WDR20: variants seen among roughly 807,000 people sequenced by gnomAD.
WDR20 encodes the protein WD repeat domain 20.
WDR20 carries 3 observed loss-of-function variants against 38.7 expected under a neutral mutation model. The observed-to-expected ratio is 0.08, with a 90% CI of 0.04 to 0.20. The LOEUF is 0.20. Among genes scored for constraint, WDR20 ranks in the 10% least tolerant of loss-of-function variants. The pLI is 1.00. For synonymous variants in WDR20, 298 were observed against 285.6 expected, an observed-to-expected ratio of 1.04 and a Z score of -0.44; for missense variants, 559 against 727.7, an observed-to-expected ratio of 0.77 and a Z score of 2.67.
At position 102,139,900 on chromosome 14, in the gene WDR20, G is replaced by T; in HGVS notation, c.-24G>T. 6.2e-7 allele frequency: 1 copy of T among 1,609,154 alleles called. No individual in the cohort carries two copies. The highest frequency in any genetic ancestry group is 8.5e-7 in the Non-Finnish European group (1 of 1,175,974). ...GGTGGGCGTGATCCGGGCACTTAGGGCAGGATGAACGCTGCTTTCCAAGAT... is the reference window on the plus strand; with the variant it reads ...GGTGGGCGTGATCCGGGCACTTAGGTCAGGATGAACGCTGCTTTCCAAGAT... On this transcript the variant is annotated 5_prime_UTR_variant, in exon 1 of 3. Coordinates refer to ENST00000342702, the MANE Select transcript of WDR20 (RefSeq NM_144574.4).
At position 102,186,548 on chromosome 14, in the gene WDR20, C is replaced by A. The variant is rs968090146; in HGVS notation, c.250-8390C>A. ...TCAGTGCCTCCCCCCACAACACCCC[C>A]CTCCGGTTTCACCAGGGTGACAAGC... is the stretch of plus-strand genomic sequence containing the variant. On this transcript the variant is annotated intron_variant, in intron 1 of 2. Coordinates refer to ENST00000342702, the MANE Select transcript of WDR20 (RefSeq NM_144574.4). Among the ~76,000 whole-genome samples, 4 of 152,182 alleles carry A rather than the reference C, an allele frequency of 2.6e-5. 1 individual carries two copies. In the South Asian group the frequency reaches 6.2e-4, roughly 24 times the overall value.
At chr14:102,139,663 C>T, upstream of WDR20, 1 of 649,646 alleles carries the variant, frequency 1.5e-6, no homozygotes, top group Non-Finnish European at 2.6e-6. Context: ...TGGGAAGCAG[C>T]CATGCCGCCC....
chr14:102,140,322 G>T lies in WDR20; in HGVS notation c.249+150G>T. ...AACTCCACTGGGGTACTCCTGAGGA[G>T]AGGGGATTCAGGAGTAAGGAGGGTG... On this transcript the variant is annotated intron_variant, in intron 1 of 2. Transcript: ENST00000342702. 4 of 1,302,706 alleles carry T rather than the reference G, an allele frequency of 3.1e-6. 1 individual carries two copies. The highest frequency in any genetic ancestry group is 4.1e-6 in the Non-Finnish European group (4 of 964,596). 80.7% of individuals were successfully genotyped at this position (1,302,706 alleles called of 1,614,324 possible).
downstream of WDR20, among the ~76,000 whole-genome samples, chr14:102,218,869 A>G (rs1185364579): frequency 6.6e-6 from 1 of 152,246 alleles, no homozygotes; most frequent in Admixed American, 6.5e-5. Context: ...TGCACAGCCC[A>G]GCAGCTCCCG....
chr14:102,200,468 TGTGTGTGTG>T (rs1182444020), intron 2 of WDR20, among the ~76,000 whole-genome samples: 4 of 43,078 alleles, frequency 9.3e-5, no homozygotes, highest in South Asian at 7.9e-4. Flanking sequence ...TTTTTTTTTT[TGTGTGTGTG>T]TGTGTGTGTG....
At chr14:102,162,195 C>T (rs1304103470) in intron 1 of WDR20, among the ~76,000 whole-genome samples, 2 of 152,168 alleles carry the variant, frequency 1.3e-5, no homozygotes, top group Non-Finnish European at 2.9e-5. Flanking sequence ...GTTCTTTTCT[C>T]GAGACAAGCT....
intron 1 of WDR20, among the ~76,000 whole-genome samples, chr14:102,165,789 A>T (rs1490453564): frequency 6.6e-6 from 1 of 150,968 alleles, no homozygotes; most frequent in Non-Finnish European, 1.5e-5. Context: ...GGCACGTGCC[A>T]CCATGCCTAG....
rs767184163 is a variant in WDR20, at chr14:102,222,870, G to A, written c.1733G>A (p.Gly578Glu). The A allele has an allele frequency of 3.1e-6, 5 of 1,614,104 alleles. No homozygotes were observed. The South Asian group carries it at 4.4e-5, about 14-fold the overall frequency. ...CCAAGCCAGGCCAGTTCTCCAGGTG[G>A]AACTGTAGTGTAGCGACCTCACTGC... Residue 578 changes from glycine to glutamate, a missense_variant, in exon 4 of 4, where the codon GGA (glycine) becomes GAA (glutamate). Gly to Glu is a moderately conservative substitution (Grantham distance 98, BLOSUM62 -2). Transcript: ENST00000335263. The surrounding 1 kb of genome is among the most constrained non-coding windows in gnomAD (Gnocchi z 4.4).
intron 2 of WDR20, among the ~76,000 whole-genome samples, chr14:102,204,245 T>G (rs1030238494): frequency 1.3e-5 from 2 of 152,194 alleles, no homozygotes; most frequent in African/African-American, 4.8e-5. Flanking sequence ...AGTTGTTCTC[T>G]GTGGGGGTAC....
At position 102,176,324 on chromosome 14, in the gene WDR20, G is replaced by A. The variant is rs186135807; in HGVS notation, c.250-18614G>A. Among the ~76,000 whole-genome samples the A allele has an allele frequency of 4.6e-3, 696 of 152,176 alleles. 6 individuals are homozygous for A. The highest frequency in any genetic ancestry group is 0.016 in the African/African-American group (645 of 41,514). The stretch of plus-strand genomic sequence containing the variant: ...GCAGGAGAATCGCTTGAACCCAGGA[G>A]GCAGAGGTTGCAGTGAGCCAAGATC... On this transcript the variant is annotated intron_variant, in intron 1 of 2. Transcript: ENST00000342702.
intron 1 of WDR20, among the ~76,000 whole-genome samples, chr14:102,149,002 A>T (rs1225507224): frequency 6.6e-6 from 1 of 152,116 alleles, no homozygotes; most frequent in Non-Finnish European, 1.5e-5. Context: ...TCTACTAAAA[A>T]TACAAAAAAA....
chr14:102,166,401 G>C (rs1263782580), intron 1 of WDR20, among the ~76,000 whole-genome samples: 1 of 152,088 alleles, frequency 6.6e-6, no homozygotes, highest in East Asian at 1.9e-4. Flanking sequence ...TTTTTAAAAG[G>C]ATGTATATTC....
At chr14:102,190,144 C>G (rs2152925129) in intron 1 of WDR20, among the ~76,000 whole-genome samples, 1 of 151,822 alleles carries the variant, frequency 6.6e-6, no homozygotes, top group Admixed American at 6.5e-5. Flanking sequence ...CCTCATGACC[C>G]TGAACTTCCT....
intron 2 of WDR20, among the ~76,000 whole-genome samples, chr14:102,206,766 G>A (rs1276471757): frequency 1.3e-5 from 2 of 152,178 alleles, no homozygotes; most frequent in Non-Finnish European, 2.9e-5. Context: ...GGGATCAAGA[G>A]TGCTGGGGTA....
intron 1 of WDR20, among the ~76,000 whole-genome samples, chr14:102,143,126 G>T (rs1391090446): frequency 6.6e-6 from 1 of 152,042 alleles, no homozygotes; most frequent in Non-Finnish European, 1.5e-5. Context: ...GCCAGAGAGG[G>T]GATGCAAACC....
chr14:102,209,826 G>C lies in WDR20; in HGVS notation c.1656G>C (p.Glu552Asp). 6.2e-7 allele frequency: 1 copy of C among 1,613,692 alleles called. No individual in the cohort carries two copies. The highest frequency in any genetic ancestry group is 8.5e-7 in the Non-Finnish European group (1 of 1,179,870). The change falls in exon 3 of 3, where the codon GAG becomes GAC. Residue 552 changes from glutamate to aspartate, a missense_variant. Glu to Asp is a conservative substitution (Grantham distance 45, BLOSUM62 2). Transcript: ENST00000342702. This position sits in a 1 kb window ranked among gnomAD's most constrained non-coding sequence, Gnocchi z 6.0. Reference sequence around the variant, plus strand: ...ACTGTATAGTCACTGCTTGTCAGGAGGGATTTATTTGCACATGGGGAAGGC... The same window carrying C: ...ACTGTATAGTCACTGCTTGTCAGGACGGATTTATTTGCACATGGGGAAGGC... ...LEDCIVTACQ[E>D]GFICTWGRPG...
rs2061753402 is a variant in WDR20, at chr14:102,207,448, TC to T, written c.433-1154del. 6.6e-6 allele frequency among the ~76,000 whole-genome samples: 1 copy of T among 152,268 alleles called. No individual in the cohort carries two copies. The highest frequency in any genetic ancestry group is 2.4e-5 in the African/African-American group (1 of 41,476). On this transcript the variant is annotated intron_variant, in intron 2 of 2. Transcript: ENST00000342702. This position sits in a 1 kb window ranked among gnomAD's most constrained non-coding sequence, Gnocchi z 5.0. ...GAAGTCGGCATGTTTCTTGGCAGAT[TC>T]TGCCCCTGTGTGCCCAGTACCCCTC...
At chr14:102,177,192 T>C (rs975543137) in intron 1 of WDR20, among the ~76,000 whole-genome samples, 5 of 152,256 alleles carry the variant, frequency 3.3e-5, no homozygotes, top group African/African-American at 9.6e-5. Flanking sequence ...CATTCAGATA[T>C]TGAACTAGCT....
intron 1 of WDR20, among the ~76,000 whole-genome samples, chr14:102,165,810 AT>A (rs886498054): frequency 2.7e-5 from 4 of 147,452 alleles, no homozygotes; most frequent in East Asian, 2.0e-4. Context: ...CTAATTTTTT[AT>A]TTTTTTTTAG....
Sources: allele counts gnomAD v4.1 joint callset (sites outside exome capture counted in the v4.1 genomes callset), GRCh38; gene constraint gnomAD v4.1.1; non-coding constraint Gnocchi (gnomAD v3.1); transcripts MANE v1.5; gene names NCBI Gene and HGNC (gene_info 2026-07-23, HGNC 2026-07-21).